Variants in HDAC9 observed in about 807,000 individuals in gnomAD.
HDAC9 encodes the protein MEF-2 interacting transcription repressor (MITR) protein.
Under a neutral mutation model 139.4 loss-of-function variants are expected in HDAC9, and 41 were observed. The observed-to-expected ratio is 0.29, with a 90% CI of 0.23 to 0.38. HDAC9 has a LOEUF of 0.38. Ranked by LOEUF, HDAC9 falls within the 10% of genes least tolerant of loss-of-function variation. The probability of loss-of-function intolerance (pLI) is 1.00; values close to 1 mark genes in which losing one functional copy is unlikely to be tolerated. For missense variants in HDAC9, 1,147 were observed against 1,297.0 expected (o/e 0.88, Z 1.78); for synonymous variants, 517 against 476.2 (o/e 1.09, Z -1.12).
intron 1 of HDAC9, among the ~76,000 whole-genome samples, chr7:18,145,153 A>G (rs1203665555): frequency 6.6e-6 from 1 of 152,230 alleles, no homozygotes; most frequent in East Asian, 1.9e-4. Context: ...TTATTTGGAC[A>G]GTCAACAATT....
intron 1 of HDAC9, among the ~76,000 whole-genome samples, chr7:18,437,708 C>T (rs1420527746): frequency 3.3e-5 from 5 of 151,644 alleles, no homozygotes; most frequent in Non-Finnish European, 5.9e-5. Context: ...TTAGCATCAT[C>T]ACTGTAATGC....
rs543695341 is a variant in HDAC9 at position 18,472,367 on chromosome 7, G to T, written c.-41-23895G>T. Among the ~76,000 whole-genome samples, 4 of 152,186 alleles carry T rather than the reference G, an allele frequency of 2.6e-5. No individual in the cohort carries two copies. In the East Asian group the frequency reaches 5.8e-4, roughly 22 times the overall value. On this transcript the variant is annotated intron_variant, in intron 1 of 3. Coordinates refer to the HDAC9 transcript ENST00000413509. ...GCATGGTCCTAAATCCAAGCCATAG[G>T]ATAAGGATCCTAGAAAGAGAATGGA...
intron 2 of HDAC9, among the ~76,000 whole-genome samples, chr7:18,537,158 C>A (rs1214721128): frequency 1.3e-5 from 2 of 152,286 alleles, no homozygotes; most frequent in East Asian, 3.9e-4. Context: ...CATGCTTCTC[C>A]ATTCTGCTTT....
chr7:18,224,835 A>G (rs1412843300), intron 2 of HDAC9, among the ~76,000 whole-genome samples: 1 of 152,176 alleles, frequency 6.6e-6, no homozygotes, highest in East Asian at 1.9e-4. Flanking sequence ...GAGAAAGGAT[A>G]ATAAAGAGGA....
intron 2 of HDAC9, among the ~76,000 whole-genome samples, chr7:18,280,643 G>A (rs755934132): frequency 1.0e-4 from 15 of 150,472 alleles, no homozygotes; most frequent in Non-Finnish European, 1.9e-4. Context: ...TGCACTTATA[G>A]TCCCAGCTAC....
intron 1 of HDAC9, among the ~76,000 whole-genome samples, chr7:18,403,338 A>G (rs1416616570): frequency 6.6e-6 from 1 of 152,172 alleles, no homozygotes; most frequent in Non-Finnish European, 1.5e-5. Flanking sequence ...AGGTCTTATG[A>G]TTTGATCAAT....
intron 1 of HDAC9, among the ~76,000 whole-genome samples, chr7:18,341,792 T>A (rs921242073): frequency 1.3e-5 from 2 of 151,862 alleles, no homozygotes; most frequent in African/African-American, 2.4e-5. Flanking sequence ...TAATTTTTTA[T>A]TATATGTGAA....
chr7:18,758,952 T>G (rs1562919571), intron 14 of HDAC9, among the ~76,000 whole-genome samples: 4 of 151,390 alleles, frequency 2.6e-5, no homozygotes, highest in African/African-American at 7.3e-5. Flanking sequence ...AAAAATACTT[T>G]TAATAATAAT....
chr7:18,722,500 A>G (rs17139763), intron 12 of HDAC9, among the ~76,000 whole-genome samples: 13,582 of 152,200 alleles, frequency 0.089, 1,013 homozygotes, highest in African/African-American at 0.2. Context: ...AAACATGAAT[A>G]AAATTATCTC....
At chr7:18,136,027 T>A (rs1457508736) in intron 1 of HDAC9, among the ~76,000 whole-genome samples, 4 of 144,778 alleles carry the variant, frequency 2.8e-5, no homozygotes. Context: ...TCATTGTGGT[T>A]TTGATTTGCA....
rs1195662870 is a variant in HDAC9 at position 18,666,366 on chromosome 7, A to T, written c.1621A>T (p.Thr541Ser). Reference sequence around the variant, plus strand: ...CGACAGCAGTGCTTGTGTGGATGACACACTGGGACAAGTTGGGGCTGTGAA... The same window carrying T: ...CGACAGCAGTGCTTGTGTGGATGACTCACTGGGACAAGTTGGGGCTGTGAA... ...RSDSSACVDD[T>S]LGQVGAVKVK... Residue 541 changes from threonine (T) to serine (S), a missense_variant, in exon 12 of 26, where the codon ACA becomes TCA. Around this residue, in one of 7 missense-constraint regions of HDAC9, gnomAD observed 256 missense variants for 219.2 expected, o/e 1.17. Transcript: ENST00000686413. 1 of 1,613,328 alleles carries T rather than the reference A, an allele frequency of 6.2e-7. No homozygotes were observed. Among genetic ancestry groups the T allele is most frequent in the South Asian group, 1.1e-5 (1 of 91,086 alleles).
intron 17 of HDAC9, among the ~76,000 whole-genome samples, chr7:18,826,646 G>GTTTT (rs1263084542): frequency 8.0e-6 from 1 of 124,980 alleles, no homozygotes; most frequent in African/African-American, 4.1e-5. Flanking sequence ...GAGAATTCAA[G>GTTTT]TCTTTTTTTT....
chr7:18,721,268 T>C (rs918828302), intron 12 of HDAC9, among the ~76,000 whole-genome samples: 1 of 152,132 alleles, frequency 6.6e-6, no homozygotes, highest in Non-Finnish European at 1.5e-5. Context: ...CTCTCTCCTA[T>C]TGCCCCTCTC....
intron 17 of HDAC9, among the ~76,000 whole-genome samples, chr7:18,823,136 T>A (rs936885733): frequency 7.2e-5 from 11 of 152,156 alleles, no homozygotes; most frequent in African/African-American, 2.7e-4. Flanking sequence ...TAAGTGCACA[T>A]GCCAATTAAC....
intron 1 of HDAC9, among the ~76,000 whole-genome samples, chr7:18,462,998 G>C (rs750606988): frequency 1.3e-5 from 2 of 151,990 alleles, no homozygotes; most frequent in East Asian, 3.9e-4. Flanking sequence ...GAGAGTGCTG[G>C]TCACTCCAAT....
At chr7:18,230,552 A>G (rs1793387717) in intron 2 of HDAC9, among the ~76,000 whole-genome samples, 1 of 152,200 alleles carries the variant, frequency 6.6e-6, no homozygotes, top group Non-Finnish European at 1.5e-5. Context: ...CGTTCCTGTA[A>G]TTGAGCAATA....
chr7:18,106,231 A>G (rs898946248), intron 1 of HDAC9, among the ~76,000 whole-genome samples: 1 of 152,172 alleles, frequency 6.6e-6, no homozygotes, highest in African/African-American at 2.4e-5. Flanking sequence ...TACCTCAGAA[A>G]AAGTCAGGGA....
intron 23 of HDAC9, among the ~76,000 whole-genome samples, chr7:18,947,312 A>G (rs923965904): frequency 6.6e-6 from 1 of 152,018 alleles, no homozygotes; most frequent in Non-Finnish European, 1.5e-5. Context: ...TTAAAGTCAG[A>G]GGTTGATTCT....
chr7:18,600,859 CTG>C (rs1833751854), intron 6 of HDAC9, among the ~76,000 whole-genome samples: 1 of 152,118 alleles, frequency 6.6e-6, no homozygotes, highest in Non-Finnish European at 1.5e-5. Flanking sequence ...GGGTCTCACT[CTG>C]TCTCCCAGGC....
Sources: allele counts gnomAD v4.1 joint callset (sites outside exome capture counted in the v4.1 genomes callset), GRCh38; gene constraint gnomAD v4.1.1; regional missense constraint gnomAD v4.1.1; transcripts MANE v1.5; gene names NCBI Gene and HGNC (gene_info 2026-07-23, HGNC 2026-07-21).